The following MED27 variants were observed in gnomAD, a reference collection of about 807,000 sequenced individuals.
MED27 encodes the protein mediator of RNA polymerase II transcription subunit 27.
Under a neutral mutation model 38.2 loss-of-function variants are expected in MED27, and 30 were observed. The ratio of observed to expected loss-of-function variants is 0.79; its 90% confidence interval spans 0.59 to 1.07. The LOEUF is 1.07. Ranked by LOEUF, MED27 falls within the 50% of genes least tolerant of loss-of-function variation. The pLI is 0.00. For missense variants in MED27, 289 were observed against 397.5 expected, an observed-to-expected ratio of 0.73 and a Z score of 2.32; for synonymous variants, 122 against 153.5, an observed-to-expected ratio of 0.79 and a Z score of 1.52.
intron 4 of MED27, among the ~76,000 whole-genome samples, chr9:131,902,279 C>T (rs1384530405): frequency 3.3e-5 from 5 of 152,122 alleles, no homozygotes; most frequent in Non-Finnish European, 7.4e-5. Context: ...CTGACAGAGT[C>T]GTGCTGGGCG....
chr9:132,050,717 C>G (rs1039914335), intron 2 of MED27, among the ~76,000 whole-genome samples: 1 of 152,214 alleles, frequency 6.6e-6, no homozygotes, highest in African/African-American at 2.4e-5. Flanking sequence ...TCTGCTCAGA[C>G]TCTGCTCTCC....
intron 4 of MED27, among the ~76,000 whole-genome samples, chr9:131,901,072 G>A (rs1320544154): frequency 7.9e-6 from 1 of 126,356 alleles, no homozygotes; most frequent in Non-Finnish European, 1.6e-5. Flanking sequence ...AGAGACAGAA[G>A]AAGAGATGGG....
chr9:131,883,077 T>A lies in MED27; in HGVS notation c.723+981A>T, dbSNP rs1839076827. ...CGCCCGCCACCATGCCCGGCTAATT[T>A]TATATTTTTAGTACAGACAGGGTTT... is the stretch of plus-strand genomic sequence containing the variant. On this transcript the variant is annotated intron_variant, in intron 6 of 7. Transcript: ENST00000292035. This position sits in a 1 kb window ranked among gnomAD's most constrained non-coding sequence, Gnocchi z 4.2. Among the ~76,000 whole-genome samples, 1 of 152,124 alleles carries A rather than the reference T, an allele frequency of 6.6e-6. No individual in the cohort carries two copies. The highest frequency in any genetic ancestry group is 1.5e-5 in the Non-Finnish European group (1 of 68,014).
rs1353032135 is a variant in MED27, at chr9:132,049,895, A to G, written c.348+27547T>C. Reference sequence around the variant, plus strand: ...ACCCAAAAAAGGTAAAATTTCTTCTAAAGAATCCAGAATTGGAATGTCTGT... The same window carrying G: ...ACCCAAAAAAGGTAAAATTTCTTCTGAAGAATCCAGAATTGGAATGTCTGT... On this transcript the variant is annotated intron_variant, in intron 2 of 7. Coordinates refer to ENST00000292035, the MANE Select transcript of MED27 (RefSeq NM_004269.4). Among the ~76,000 whole-genome samples, 3 of 152,240 alleles carry G rather than the reference A, an allele frequency of 2.0e-5. No individual in the cohort carries two copies. In the East Asian group the frequency reaches 5.8e-4, roughly 29 times the overall value.
chr9:132,050,368 C>G (rs1475610847), intron 2 of MED27, among the ~76,000 whole-genome samples: 1 of 152,134 alleles, frequency 6.6e-6, no homozygotes, highest in African/African-American at 2.4e-5. Context: ...GGTCCAGGTG[C>G]CGGGCTAAGG....
At chr9:132,019,152 C>T (rs1832667770) in intron 2 of MED27, among the ~76,000 whole-genome samples, 1 of 152,164 alleles carries the variant, frequency 6.6e-6, no homozygotes, top group Admixed American at 6.5e-5. Flanking sequence ...TTGTGTTATT[C>T]CTGGGTCTGG....
intron 3 of MED27, among the ~76,000 whole-genome samples, chr9:132,008,749 G>A (rs1832419489): frequency 6.6e-6 from 1 of 152,194 alleles, no homozygotes; most frequent in Non-Finnish European, 1.5e-5. Flanking sequence ...AGCAGCCTTA[G>A]TGCCATCCAA....
At chr9:131,966,217 A>AAC (rs1422420916) in intron 3 of MED27, among the ~76,000 whole-genome samples, 1 of 138,234 alleles carries the variant, frequency 7.2e-6, no homozygotes, top group Non-Finnish European at 1.5e-5. Context: ...AAAAAAAAAC[A>AAC]AAACAAAACC....
At chr9:131,945,888 A>G (rs1333753663) in intron 3 of MED27, among the ~76,000 whole-genome samples, 1 of 149,256 alleles carries the variant, frequency 6.7e-6, no homozygotes, top group Non-Finnish European at 1.5e-5. Flanking sequence ...GGATTGCTTG[A>G]GCCCAGGAGT....
intron 2 of MED27, among the ~76,000 whole-genome samples, chr9:132,035,121 T>C (rs1284469545): frequency 1.3e-5 from 2 of 152,056 alleles, no homozygotes; most frequent in Non-Finnish European, 2.9e-5. Context: ...GGGGAAGGTG[T>C]TCCTACAACC....
chr9:131,889,636 A>T lies in MED27; in HGVS notation c.681+4249T>A, dbSNP rs1333304092. ...CTAGGGTCATGGCGGTGGTTGTTAG[A>T]GCAAAGTGCAAAGTGCAAAGTGATA... is the stretch of plus-strand genomic sequence containing the variant. On this transcript the variant is annotated intron_variant, in intron 5 of 7. Transcript: ENST00000292035. The surrounding 1 kb of genome is among the most constrained non-coding windows in gnomAD (Gnocchi z 4.2). Among the ~76,000 whole-genome samples the T allele has an allele frequency of 6.6e-6, 1 of 152,194 alleles. No individual in the cohort carries two copies. The highest frequency in any genetic ancestry group is 1.5e-5 in the Non-Finnish European group (1 of 68,034).
chr9:131,966,211 A>AC (rs939138564), intron 3 of MED27, among the ~76,000 whole-genome samples: 2 of 139,914 alleles, frequency 1.4e-5, no homozygotes, highest in Non-Finnish European at 3.0e-5. Flanking sequence ...AAAAAAAAAA[A>AC]AAAACAAAAC....
At chr9:131,973,929 G>C (rs1313955129) in intron 3 of MED27, among the ~76,000 whole-genome samples, 1 of 151,418 alleles carries the variant, frequency 6.6e-6, no homozygotes, top group African/African-American at 2.4e-5. Context: ...TAGCCGGGAT[G>C]GTCTTGATCT....
intron 5 of MED27, among the ~76,000 whole-genome samples, chr9:131,886,864 A>C (rs1839149853): frequency 6.6e-6 from 1 of 152,270 alleles, no homozygotes; most frequent in Non-Finnish European, 1.5e-5. Context: ...AGGATGAATA[A>C]GAATGACTTT....
intron 4 of MED27, among the ~76,000 whole-genome samples, chr9:131,932,829 G>A (rs1358132889): frequency 2.0e-5 from 3 of 151,946 alleles, no homozygotes; most frequent in Non-Finnish European, 4.4e-5. Flanking sequence ...AAAACTATAG[G>A]CCAATATTTC....
intron 2 of MED27, among the ~76,000 whole-genome samples, chr9:132,034,747 A>G (rs1274042366): frequency 6.6e-6 from 1 of 152,152 alleles, no homozygotes; most frequent in Non-Finnish European, 1.5e-5. Context: ...TGTGGCCTTC[A>G]CCTTCTCGAC....
At chr9:131,912,118 G>A (rs956312853) in intron 4 of MED27, among the ~76,000 whole-genome samples, 1 of 152,156 alleles carries the variant, frequency 6.6e-6, no homozygotes, top group Admixed American at 6.5e-5. Context: ...ATTAGATTCT[G>A]GAGTTCCTAA....
chr9:132,005,772 G>C lies in MED27; in HGVS notation c.479+8565C>G, dbSNP rs145399373. Among the ~76,000 whole-genome samples the C allele has an allele frequency of 5.2e-3, 793 of 152,234 alleles. 14 individuals carry two copies. The highest frequency in any genetic ancestry group is 0.018 in the African/African-American group (732 of 41,550). On this transcript the variant is annotated intron_variant, in intron 3 of 7. Coordinates refer to ENST00000292035, the MANE Select transcript of MED27 (RefSeq NM_004269.4). ...AGAGTGGTATCCCTCACCATTCCTGGAGACAGCTCCGGTCTTGCAGGAAAA... is the reference window on the plus strand; with the variant it reads ...AGAGTGGTATCCCTCACCATTCCTGCAGACAGCTCCGGTCTTGCAGGAAAA...
intron 1 of MED27, among the ~76,000 whole-genome samples, chr9:132,078,804 T>C (rs1479591991): frequency 6.6e-6 from 1 of 152,234 alleles, no homozygotes; most frequent in Non-Finnish European, 1.5e-5. Flanking sequence ...TGGGAAGGAC[T>C]GACTCTCTTA....
Sources: allele counts gnomAD v4.1 joint callset (sites outside exome capture counted in the v4.1 genomes callset), GRCh38; gene constraint gnomAD v4.1.1; non-coding constraint Gnocchi (gnomAD v3.1); transcripts MANE v1.5; gene names NCBI Gene and HGNC (gene_info 2026-07-23, HGNC 2026-07-21).